Variants in RANBP2 observed in about 807,000 individuals in gnomAD.
The protein encoded by RANBP2 is E3 SUMO-protein ligase RanBP2.
In RANBP2, 57 loss-of-function variants were observed where a neutral mutation model predicts 303.6. That is an observed-to-expected ratio of 0.19 (90% CI 0.15 to 0.23). RANBP2 has a LOEUF of 0.23. Among genes scored for constraint, RANBP2 ranks in the 10% least tolerant of loss-of-function variants. The pLI is 1.00. For missense variants in RANBP2, 3,138 were observed against 3,780.8 expected (o/e 0.83, Z 4.46); for synonymous variants, 1,167 against 1,301.5 (o/e 0.90, Z 2.23).
the RANBP2 span, among the ~76,000 whole-genome samples, chr2:109,701,645 G>A: frequency 6.6e-6 from 1 of 152,176 alleles, no homozygotes; most frequent in East Asian, 1.9e-4. Context: ...GAGCCTTAAA[G>A]GGATGACTTC....
the RANBP2 span, among the ~76,000 whole-genome samples, chr2:108,817,851 A>G: frequency 1.3e-5 from 2 of 152,168 alleles, no homozygotes; most frequent in African/African-American, 4.8e-5. Context: ...AGTTTGTGGT[A>G]TTTGTTACGG....
the RANBP2 span, among the ~76,000 whole-genome samples, chr2:109,086,964 A>G: frequency 3.9e-5 from 6 of 152,202 alleles, no homozygotes; most frequent in Non-Finnish European, 7.3e-5. Flanking sequence ...CAGCACATCA[A>G]TTCTGTCAGA....
the RANBP2 span, among the ~76,000 whole-genome samples, chr2:109,583,946 C>T: frequency 6.6e-6 from 1 of 152,170 alleles, no homozygotes; most frequent in Admixed American, 6.5e-5. Flanking sequence ...ACATTGGGTA[C>T]ACATGGATAT....
the RANBP2 span, among the ~76,000 whole-genome samples, chr2:108,906,708 G>A: frequency 8.3e-4 from 126 of 152,364 alleles, 1 homozygote; most frequent in African/African-American, 2.6e-3. Context: ...CAGCAGAGCC[G>A]TGCGGGGCTC....
chr2:109,522,671 G>A, the RANBP2 span, among the ~76,000 whole-genome samples: 2 of 151,554 alleles, frequency 1.3e-5, no homozygotes, highest in Non-Finnish European at 2.9e-5. Context: ...CTCCCAAAGT[G>A]TTCAGTCCCA....
At chr2:109,081,353 T>A in the RANBP2 span, among the ~76,000 whole-genome samples, 1 of 152,108 alleles carries the variant, frequency 6.6e-6, no homozygotes, top group African/African-American at 2.4e-5. Context: ...CACCTCCAGA[T>A]GGGGGCAGCC....
chr2:109,586,320 C>T, the RANBP2 span, among the ~76,000 whole-genome samples: 1 of 152,168 alleles, frequency 6.6e-6, no homozygotes, highest in Non-Finnish European at 1.5e-5. Context: ...TTTTAAGTCA[C>T]TAGAGTGCAA....
the RANBP2 span, chr2:109,553,190 T>G: frequency 5.0e-6 from 8 of 1,614,074 alleles, no homozygotes; most frequent in Non-Finnish European, 6.8e-6. Context: ...ATGGAACTCA[T>G]GTCTTTTGGC....
chr2:108,994,142 T>TC, the RANBP2 span, among the ~76,000 whole-genome samples: 5 of 151,956 alleles, frequency 3.3e-5, 1 homozygote, highest in South Asian at 4.2e-4. Flanking sequence ...TGCCCAGGAT[T>TC]CCCCCCATGG....
At chr2:108,908,577 C>G in the RANBP2 span, among the ~76,000 whole-genome samples, 725 of 152,186 alleles carry the variant, frequency 4.8e-3, 6 homozygotes, top group South Asian at 0.023. Flanking sequence ...GCACAGCAAG[C>G]CCCAGCGGGT....
At chr2:109,425,512 A>C in the RANBP2 span, among the ~76,000 whole-genome samples, 1 of 152,190 alleles carries the variant, frequency 6.6e-6, no homozygotes, top group African/African-American at 2.4e-5. Context: ...GGGCTAATGC[A>C]GCTGGTGACT....
At chr2:109,714,430 TAGCTGGGACTACAGGCATGC>T in the RANBP2 span, among the ~76,000 whole-genome samples, 1 of 150,928 alleles carries the variant, frequency 6.6e-6, no homozygotes, top group East Asian at 2.0e-4. Flanking sequence ...GCCTCCTGAG[TAGCTGGGACTACAGGCATGC>T]ACCACCACGC....
At chr2:109,545,565 C>T in the RANBP2 span, 369 of 1,535,498 alleles carry the variant, frequency 2.4e-4, 2 homozygotes, top group South Asian at 4.0e-3. Flanking sequence ...AAAATTCTCA[C>T]AAAATCAGTA....
chr2:108,863,049 C>T, the RANBP2 span, among the ~76,000 whole-genome samples: 1 of 152,088 alleles, frequency 6.6e-6, no homozygotes, highest in African/African-American at 2.4e-5. Context: ...TGAATATATC[C>T]ATATTGTTTA....
chr2:109,565,075 G>A, the RANBP2 span, among the ~76,000 whole-genome samples: 5 of 151,812 alleles, frequency 3.3e-5, no homozygotes, highest in Non-Finnish European at 2.9e-5. Flanking sequence ...CTATGTTTAC[G>A]GTGACCAGAG....
chr2:108,912,577 C>T, the RANBP2 span: 176 of 1,149,036 alleles, frequency 1.5e-4, no homozygotes, highest in Admixed American at 2.8e-4. Context: ...GGTGGGGAAG[C>T]GCACCATAAT....
chr2:108,991,831 G>C, the RANBP2 span, among the ~76,000 whole-genome samples: 9 of 152,182 alleles, frequency 5.9e-5, no homozygotes, highest in Admixed American at 5.2e-4. Flanking sequence ...TGGTGAGACA[G>C]AGTCTTGCTC....
At chr2:109,640,097 AT>A in the RANBP2 span, among the ~76,000 whole-genome samples, 471 of 146,042 alleles carry the variant, frequency 3.2e-3, 1 homozygote, top group East Asian at 0.011. Context: ...TCTGCCTTCT[AT>A]TTTTTTTTTT....
chr2:109,482,805 G>T, the RANBP2 span, among the ~76,000 whole-genome samples: 2 of 152,180 alleles, frequency 1.3e-5, no homozygotes, highest in African/African-American at 4.8e-5. Context: ...ACACGATGCG[G>T]CGGTCACGTC....
Sources: allele counts gnomAD v4.1 joint callset (sites outside exome capture counted in the v4.1 genomes callset), GRCh38; gene constraint gnomAD v4.1.1; transcripts MANE v1.5; gene names NCBI Gene and HGNC (gene_info 2026-07-23, HGNC 2026-07-21).